MECOM: variants seen among roughly 807,000 people sequenced by gnomAD.
MECOM encodes the protein histone-lysine N-methyltransferase MECOM.
In MECOM, 13 loss-of-function variants were observed where a neutral mutation model predicts 116.3. The ratio of observed to expected loss-of-function variants is 0.11; its 90% CI spans 0.07 to 0.18. The LOEUF (loss-of-function observed/expected upper bound fraction) is 0.18. MECOM is among the 10% of genes least tolerant of loss of function. MECOM has a pLI of 1.00. For missense variants in MECOM, 1,299 were observed against 1,509.0 expected (o/e 0.86, Z 2.31); for synonymous variants, 528 against 535.2 (o/e 0.99, Z 0.19).
At chr3:169,525,260 T>G (rs1757831914) in intron 1 of MECOM, among the ~76,000 whole-genome samples, 1 of 152,202 alleles carries the variant, frequency 6.6e-6, no homozygotes, top group Non-Finnish European at 1.5e-5. Context: ...CAGAGATTAT[T>G]ATTGGGTAAT....
chr3:169,653,023 T>C (rs1246117446), intron 1 of MECOM, among the ~76,000 whole-genome samples: 1 of 152,178 alleles, frequency 6.6e-6, no homozygotes, highest in Non-Finnish European at 1.5e-5. Context: ...GTGATTTAAG[T>C]GAGGGGTCAT....
intron 2 of MECOM, among the ~76,000 whole-genome samples, chr3:169,325,205 G>A (rs545591485): frequency 1.2e-4 from 18 of 152,126 alleles, no homozygotes; most frequent in Non-Finnish European, 2.1e-4. Context: ...GGGTCCGCTT[G>A]TTTTTGCTTT....
chr3:169,217,843 AAT>A (rs72144428), intron 2 of MECOM, among the ~76,000 whole-genome samples: 50,679 of 147,672 alleles, frequency 0.34, 9,324 homozygotes, highest in Middle Eastern at 0.55. Context: ...ATATATATGT[AAT>A]ATATATATAT....
At chr3:169,620,130 C>T (rs539425198) in intron 1 of MECOM, among the ~76,000 whole-genome samples, 1 of 152,194 alleles carries the variant, frequency 6.6e-6, no homozygotes, top group Non-Finnish European at 1.5e-5. Context: ...GGACAGAATT[C>T]TCATTTTAAC....
chr3:169,442,922 T>G (rs1292293263), intron 1 of MECOM, among the ~76,000 whole-genome samples: 1 of 152,208 alleles, frequency 6.6e-6, no homozygotes, highest in African/African-American at 2.4e-5. Context: ...AATGGAGGTC[T>G]GTATTCTTTT....
chr3:169,148,077 T>C (rs958121741), intron 2 of MECOM, among the ~76,000 whole-genome samples: 1 of 152,154 alleles, frequency 6.6e-6, no homozygotes, highest in African/African-American at 2.4e-5. Flanking sequence ...TTCTTGTAGC[T>C]AGGTCAGAGG....
chr3:169,447,479 A>G (rs1477808562), intron 1 of MECOM, among the ~76,000 whole-genome samples: 1 of 152,132 alleles, frequency 6.6e-6, no homozygotes, highest in Non-Finnish European at 1.5e-5. Context: ...GAGATGTCCA[A>G]AGAAAGGCAG....
At chr3:169,661,612 C>T (rs946932812) in intron 1 of MECOM, among the ~76,000 whole-genome samples, 1 of 152,100 alleles carries the variant, frequency 6.6e-6, no homozygotes, top group Non-Finnish European at 1.5e-5. Context: ...GTGAGGACTG[C>T]ACAAAGCACT....
At chr3:169,441,451 T>A (rs1264285402) in intron 1 of MECOM, among the ~76,000 whole-genome samples, 1 of 152,160 alleles carries the variant, frequency 6.6e-6, no homozygotes, top group Non-Finnish European at 1.5e-5. Flanking sequence ...AGTAAGCATA[T>A]GTCCTTTTCA....
intron 2 of MECOM, among the ~76,000 whole-genome samples, chr3:169,357,055 T>C (rs1400804507): frequency 6.6e-6 from 1 of 151,896 alleles, no homozygotes; most frequent in Non-Finnish European, 1.5e-5. Flanking sequence ...GCCGCATTTC[T>C]GTTTCTATTT....
At chr3:169,530,986 G>A (rs1221174321) in intron 1 of MECOM, among the ~76,000 whole-genome samples, 1 of 151,866 alleles carries the variant, frequency 6.6e-6, no homozygotes, top group East Asian at 1.9e-4. Context: ...AGCCTCTCCT[G>A]CAGGTTACCA....
In MECOM at chr3:169,626,822, C is replaced by CT. The variant is rs201067118; in HGVS notation, c.37+36513dup. 6.9e-3 allele frequency among the ~76,000 whole-genome samples: 1,025 copies of CT among 147,648 alleles called. 7 individuals are homozygous for CT. The highest frequency in any genetic ancestry group is 0.023 in the African/African-American group (939 of 40,542). ...ATGTGAATTTTAAGGTTTCTTTTCT[C>CT]TTTTTTTTTTTCTCTTTCATCTTAT... On this transcript the variant is annotated intron_variant, in intron 1 of 16. Transcript: ENST00000651503.
chr3:169,104,212 G>A (rs185527552), intron 10 of MECOM, among the ~76,000 whole-genome samples: 1 of 152,282 alleles, frequency 6.6e-6, no homozygotes, highest in Non-Finnish European at 1.5e-5. Flanking sequence ...ATGGAATGAT[G>A]CTGCTGCTCA....
At chr3:169,406,202 C>T (rs567384232) in intron 1 of MECOM, among the ~76,000 whole-genome samples, 10 of 152,140 alleles carry the variant, frequency 6.6e-5, no homozygotes, top group Non-Finnish European at 1.0e-4. Flanking sequence ...ATCTTTGTTT[C>T]CTAAACCAGA....
At chr3:169,317,834 G>A (rs1720038528) in intron 2 of MECOM, among the ~76,000 whole-genome samples, 1 of 152,140 alleles carries the variant, frequency 6.6e-6, no homozygotes, top group Admixed American at 6.5e-5. Context: ...TAAGCAAAAA[G>A]AACAAAGCTG....
At chr3:169,662,918 T>C (rs1356981231) in intron 1 of MECOM, among the ~76,000 whole-genome samples, 1 of 146,454 alleles carries the variant, frequency 6.8e-6, no homozygotes, top group African/African-American at 2.5e-5. Context: ...CGGGACTAGC[T>C]GGTTGGCCAG....
chr3:169,298,444 A>G (rs181981423), intron 2 of MECOM, among the ~76,000 whole-genome samples: 3 of 151,932 alleles, frequency 2.0e-5, no homozygotes, highest in East Asian at 1.9e-4. Context: ...CATATATAAT[A>G]TAATATAAAC....
Position 169,191,485 on chromosome 3 carries a change from T to A in MECOM, c.376-47653A>T, listed in dbSNP as rs1009933908. Reference sequence around the variant, plus strand: ...TAAGATGGAGGAGGACAATAAAGGCTGAAGGTAAGATGGATAAAATATGTT... The same window carrying A: ...TAAGATGGAGGAGGACAATAAAGGCAGAAGGTAAGATGGATAAAATATGTT... On this transcript the variant is annotated intron_variant, in intron 2 of 16. Transcript: ENST00000651503. Among the ~76,000 whole-genome samples the A allele has an allele frequency of 3.3e-5, 5 of 151,852 alleles. No homozygotes were observed. In the East Asian group the frequency reaches 9.7e-4, roughly 29 times the overall value.
At chr3:169,428,664 T>C (rs1409815689) in intron 1 of MECOM, among the ~76,000 whole-genome samples, 1 of 152,248 alleles carries the variant, frequency 6.6e-6, no homozygotes, top group Admixed American at 6.5e-5. Context: ...CATGAGGTCA[T>C]ACACACTCTA....
Sources: allele counts gnomAD v4.1 joint callset (sites outside exome capture counted in the v4.1 genomes callset), GRCh38; gene constraint gnomAD v4.1.1; transcripts MANE v1.5; gene names NCBI Gene and HGNC (gene_info 2026-07-23, HGNC 2026-07-21).